CNBD1: variants seen among roughly 807,000 people sequenced by gnomAD.
CNBD1 encodes the protein cyclic nucleotide-binding domain-containing protein 1.
Under a neutral mutation model 54.4 loss-of-function variants are expected in CNBD1, and 71 were observed. The observed-to-expected ratio is 1.30, with a 90% CI of 1.08 to 1.59. The LOEUF (loss-of-function observed/expected upper bound fraction) is 1.59. Ranked by LOEUF, CNBD1 falls within the 40% of genes most tolerant of loss-of-function variation. CNBD1 has a pLI of 0.00. For missense variants in CNBD1, 659 were observed against 518.0 expected (o/e 1.27, Z -2.64); for synonymous variants, 182 against 170.7 (o/e 1.07, Z -0.51).
At chr8:87,299,272 T>G (rs1585992756) in intron 8 of CNBD1, among the ~76,000 whole-genome samples, 1 of 152,172 alleles carries the variant, frequency 6.6e-6, no homozygotes, top group East Asian at 1.9e-4. Context: ...TCCTTCCACA[T>G]TTTCTCCCCT....
At chr8:87,181,046 C>A (rs1370450165) in intron 4 of CNBD1, among the ~76,000 whole-genome samples, 2 of 152,082 alleles carry the variant, frequency 1.3e-5, no homozygotes, top group African/African-American at 2.4e-5. Context: ...ACTTTCTTCC[C>A]CCAGAAACGT....
chr8:87,058,350 T>C (rs1474067675), intron 4 of CNBD1, among the ~76,000 whole-genome samples: 1 of 152,160 alleles, frequency 6.6e-6, no homozygotes, highest in Non-Finnish European at 1.5e-5. Flanking sequence ...GATCTACCCT[T>C]CTGCGATCTG....
At position 87,331,380 on chromosome 8, in the gene CNBD1, A is replaced by G. The variant is rs1023792332; in HGVS notation, c.1043-20305A>G. Among the ~76,000 whole-genome samples, 5 of 152,302 alleles carry G rather than the reference A, an allele frequency of 3.3e-5. No individual in the cohort carries two copies. The East Asian group carries it at 9.6e-4, about 29-fold the overall frequency. On this transcript the variant is annotated intron_variant, in intron 8 of 10. Transcript: ENST00000518476. ...TTCCAGTTTCATCAAAGTCCCTGCA[A>G]AGGACATGATCTCATTCCTTTCTGT...
At chr8:87,075,955 T>C (rs1018183640) in intron 4 of CNBD1, among the ~76,000 whole-genome samples, 31 of 152,200 alleles carry the variant, frequency 2.0e-4, no homozygotes, top group African/African-American at 7.2e-4. Context: ...GAGACTCCTT[T>C]AGCCCTTGCA....
chr8:87,233,884 C>G (rs370599304), intron 5 of CNBD1, among the ~76,000 whole-genome samples: 2 of 152,184 alleles, frequency 1.3e-5, no homozygotes, highest in East Asian at 3.8e-4. Flanking sequence ...ATTTTACCCA[C>G]AAAACATTTC....
intron 4 of CNBD1, among the ~76,000 whole-genome samples, chr8:87,193,849 A>T (rs1334386301): frequency 6.6e-6 from 1 of 152,212 alleles, no homozygotes; most frequent in Non-Finnish European, 1.5e-5. Context: ...TTGCTAAGCT[A>T]TACCCAGTAA....
intron 4 of CNBD1, among the ~76,000 whole-genome samples, chr8:87,133,001 G>GT (rs756015582): frequency 2.3e-4 from 35 of 151,152 alleles, no homozygotes; most frequent in Non-Finnish European, 4.7e-4. Flanking sequence ...CAAGCCCACT[G>GT]TTTTTTTCTT....
At chr8:87,380,639 A>T (rs1811055024) in intron 10 of CNBD1, among the ~76,000 whole-genome samples, 1 of 152,030 alleles carries the variant, frequency 6.6e-6, no homozygotes, top group South Asian at 2.1e-4. Flanking sequence ...ATTGTCTTCC[A>T]GTCTGTGAAC....
At chr8:87,224,668 A>T (rs1222571658) in intron 5 of CNBD1, among the ~76,000 whole-genome samples, 1 of 151,718 alleles carries the variant, frequency 6.6e-6, no homozygotes, top group Non-Finnish European at 1.5e-5. Flanking sequence ...GTTTGAAGTC[A>T]GGTAGTGTGA....
chr8:87,028,569 A>G lies in CNBD1; in HGVS notation c.431+88815A>G, dbSNP rs552617300. Among the ~76,000 whole-genome samples the G allele has an allele frequency of 1.2e-3, 178 of 152,344 alleles. 3 individuals carry two copies. In the South Asian group the frequency reaches 0.014, roughly 12 times the overall value. On this transcript the variant is annotated intron_variant, in intron 4 of 10. Coordinates refer to ENST00000518476, the MANE Select transcript of CNBD1 (RefSeq NM_173538.3). ...TGAGAAGAAAGGAGAACAGTCTCAA[A>G]TCCATCTCCCTGACTGATTAAAACT...
At chr8:86,961,808 GTTGATCTAAGCAC>G (rs1338405418) in intron 4 of CNBD1, among the ~76,000 whole-genome samples, 2 of 152,236 alleles carry the variant, frequency 1.3e-5, no homozygotes, top group East Asian at 3.8e-4. Flanking sequence ...TTTCAAAATA[GTTGATCTAAGCAC>G]TTGATTTTCT....
intron 4 of CNBD1, among the ~76,000 whole-genome samples, chr8:87,137,964 A>G (rs1052599733): frequency 4.6e-5 from 7 of 151,302 alleles, no homozygotes; most frequent in African/African-American, 1.5e-4. Context: ...CCTTGGGGGG[A>G]AAAAAGGAGA....
At chr8:87,244,183 G>T (rs112865174) in intron 6 of CNBD1, among the ~76,000 whole-genome samples, 3,676 of 152,204 alleles carry the variant, frequency 0.024, 152 homozygotes, top group African/African-American at 0.084. Flanking sequence ...AGAAAGGCGG[G>T]GACAACCTGA....
At chr8:87,353,124 G>A (rs1373643272) in intron 9 of CNBD1, among the ~76,000 whole-genome samples, 28 of 152,114 alleles carry the variant, frequency 1.8e-4, no homozygotes, top group Admixed American at 1.6e-3. Flanking sequence ...AGTTCCCTGA[G>A]TCAAACTCAT....
chr8:87,172,778 G>A (rs1400658742), intron 4 of CNBD1, among the ~76,000 whole-genome samples: 2 of 151,766 alleles, frequency 1.3e-5, no homozygotes, highest in African/African-American at 4.8e-5. Flanking sequence ...TAATTGAAGT[G>A]TGTTTCTTGT....
intron 7 of CNBD1, among the ~76,000 whole-genome samples, chr8:87,286,126 A>C (rs1439466037): frequency 6.6e-6 from 1 of 152,076 alleles, no homozygotes; most frequent in Non-Finnish European, 1.5e-5. Context: ...CGTTATTCCA[A>C]ATCCCTGATG....
intron 3 of CNBD1, 72 bp downstream of exon 3, chr8:86,905,266 C>T: frequency 1.2e-6 from 1 of 846,208 alleles, no homozygotes; most frequent in South Asian, 1.6e-5. Context: ...ACAAGTTGAA[C>T]TCAAAACTGA....
chr8:87,144,908 C>T (rs1812451620), intron 4 of CNBD1, among the ~76,000 whole-genome samples: 1 of 150,810 alleles, frequency 6.6e-6, no homozygotes, highest in African/African-American at 2.4e-5. Context: ...GTTTTGGGAG[C>T]TAACCAGAAT....
chr8:86,959,138 G>C (rs993470205), intron 4 of CNBD1, among the ~76,000 whole-genome samples: 1 of 152,124 alleles, frequency 6.6e-6, no homozygotes, highest in Non-Finnish European at 1.5e-5. Flanking sequence ...GAAATTCTGG[G>C]TTGAAAATTC....
Sources: allele counts gnomAD v4.1 joint callset (sites outside exome capture counted in the v4.1 genomes callset), GRCh38; gene constraint gnomAD v4.1.1; transcripts MANE v1.5; gene names NCBI Gene and HGNC (gene_info 2026-07-23, HGNC 2026-07-21).